The following JMY variants were observed in gnomAD, a reference collection of about 807,000 sequenced individuals.
JMY encodes the protein junction-mediating and -regulatory protein.
JMY carries 46 observed loss-of-function variants against 103.3 expected under a neutral mutation model. The ratio of observed to expected loss-of-function variants is 0.45; its 90% confidence interval spans 0.35 to 0.57. The LOEUF (loss-of-function observed/expected upper bound fraction) is 0.57. Ranked by LOEUF, JMY falls within the 20% of genes least tolerant of loss-of-function variation. The pLI is 0.00. For synonymous variants in JMY, 526 were observed against 489.3 expected, an observed-to-expected ratio of 1.07 and a Z score of -0.99; for missense variants, 1,238 against 1,255.2, an observed-to-expected ratio of 0.99 and a Z score of 0.21.
At chr5:79,262,906 CTTAA>C (rs755935044) in intron 1 of JMY, among the ~76,000 whole-genome samples, 3 of 152,274 alleles carry the variant, frequency 2.0e-5, no homozygotes, top group South Asian at 2.1e-4. Context: ...GGTATTGTGA[CTTAA>C]TTAATAATCA....
chr5:79,267,735 C>G (rs79032535), intron 1 of JMY, among the ~76,000 whole-genome samples: 1 of 152,128 alleles, frequency 6.6e-6, no homozygotes, highest in Non-Finnish European at 1.5e-5. Context: ...TTTTTCTTGC[C>G]GAACATTTCA....
At chr5:79,262,126 G>A (rs968682994) in intron 1 of JMY, among the ~76,000 whole-genome samples, 1 of 152,102 alleles carries the variant, frequency 6.6e-6, no homozygotes, top group African/African-American at 2.4e-5. Context: ...AACCCTTTGT[G>A]GTTGTATTCT....
chr5:79,239,830 A>G (rs1744678963), intron 1 of JMY, among the ~76,000 whole-genome samples: 1 of 151,476 alleles, frequency 6.6e-6, no homozygotes, highest in Non-Finnish European at 1.5e-5. Context: ...AAGAAAAGAA[A>G]AAGAAAAAGA....
rs1378117892 is a variant in JMY at position 79,250,459 on chromosome 5, CTTTG to C, written c.1032+12783_1032+12786del. ...CCATTTTTTTCTGTATTTACCTTTA[CTTTG>C]TTTGTAGGCGTCCCAGACAACCCTG... On this transcript the variant is annotated intron_variant, in intron 1 of 10. Coordinates refer to ENST00000396137, the MANE Select transcript of JMY (RefSeq NM_152405.5). Among the ~76,000 whole-genome samples the C allele has an allele frequency of 2.0e-4, 30 of 152,104 alleles. No individual in the cohort carries two copies. The East Asian group carries it at 3.3e-3, about 17-fold the overall frequency.
chr5:79,256,336 TCTC>T (rs915760121), intron 1 of JMY, among the ~76,000 whole-genome samples: 9 of 152,100 alleles, frequency 5.9e-5, no homozygotes, highest in South Asian at 4.2e-4. Flanking sequence ...GGCAGTAGCT[TCTC>T]CTATAGTCCA....
At chr5:79,284,747 C>G in intron 2 of JMY, 1 of 1,585,764 alleles carries the variant, frequency 6.3e-7, no homozygotes, top group Non-Finnish European at 8.6e-7. Context: ...CCATCAGATG[C>G]AATTTTGGTT....
At chr5:79,261,055 T>G (rs1745405784) in intron 1 of JMY, among the ~76,000 whole-genome samples, 1 of 152,158 alleles carries the variant, frequency 6.6e-6, no homozygotes, top group Non-Finnish European at 1.5e-5. Flanking sequence ...AAAATAAATC[T>G]AGGGACCCCA....
chr5:79,298,276 C>T (rs1023713465), intron 4 of JMY, among the ~76,000 whole-genome samples: 7 of 152,148 alleles, frequency 4.6e-5, no homozygotes, highest in South Asian at 2.1e-4. Flanking sequence ...TTTAACTTAA[C>T]GATTCCCCAC....
Position 79,237,542 on chromosome 5 carries a change from G to C in JMY, c.892G>C (p.Asp298His). ...CCAGGTCTACCTGGGCCACGGCCTG[G>C]ACACCTGCGGCTGGAAGATCCTCTC... Reference protein sequence around the residue: ...QLQVYLGHGLDTCGWKILSQV... With the variant: ...QLQVYLGHGLHTCGWKILSQV... The change falls in exon 1 of 11, where the codon GAC (aspartate) becomes CAC (histidine). Residue 298 changes from aspartate to histidine, a missense_variant. Coordinates refer to ENST00000396137, the MANE Select transcript of JMY (RefSeq NM_152405.5). 1 of 1,613,700 alleles carries C rather than the reference G, an allele frequency of 6.2e-7. No individual in the cohort carries two copies. The highest frequency in any genetic ancestry group is 8.5e-7 in the Non-Finnish European group (1 of 1,180,000).
chr5:79,286,236 CTTTGTA>C (rs1746263644), intron 2 of JMY, among the ~76,000 whole-genome samples: 1 of 152,126 alleles, frequency 6.6e-6, no homozygotes, highest in Admixed American at 6.6e-5. Flanking sequence ...TGTTTATGTT[CTTTGTA>C]TTTGTAGCTG....
At chr5:79,240,789 A>G (rs998332916) in intron 1 of JMY, among the ~76,000 whole-genome samples, 6 of 152,202 alleles carry the variant, frequency 3.9e-5, no homozygotes, top group Non-Finnish European at 8.8e-5. Context: ...GATGCTAGCC[A>G]TGTATTTGTC....
chr5:79,238,090 C>T (rs1228261645), intron 1 of JMY, among the ~76,000 whole-genome samples: 1 of 152,146 alleles, frequency 6.6e-6, no homozygotes, highest in Non-Finnish European at 1.5e-5. Context: ...AATAGTTTGT[C>T]TTACGGAGCA....
chr5:79,311,978 G>A (rs532621153), intron 7 of JMY, among the ~76,000 whole-genome samples: 8 of 152,090 alleles, frequency 5.3e-5, no homozygotes, highest in Admixed American at 2.0e-4. Flanking sequence ...CACCACGACC[G>A]GCTAATTTTT....
Position 79,314,770 on chromosome 5 carries a change from G to A in JMY, c.2578G>A (p.Ala860Thr). The change falls in exon 9 of 11, where the codon GCA becomes ACA. Residue 860 changes from alanine to threonine, a missense_variant. Transcript: ENST00000396137. Reference protein sequence around the residue: ...RIPKSASAPSAHLFDSSQLVS... With the variant: ...RIPKSASAPSTHLFDSSQLVS... Reference sequence around the variant, plus strand: ...CCCAAAGTCAGCCAGTGCCCCCTCAGCACACCTCTTTGACAGCAGCCAGCT... The same window carrying A: ...CCCAAAGTCAGCCAGTGCCCCCTCAACACACCTCTTTGACAGCAGCCAGCT... 1 of 1,613,382 alleles carries A rather than the reference G, an allele frequency of 6.2e-7. No individual in the cohort carries two copies.
intron 10 of JMY, among the ~76,000 whole-genome samples, chr5:79,318,753 TATATATATAGAGAGAGAG>T (rs1238514608): frequency 2.1e-5 from 1 of 48,370 alleles, no homozygotes; most frequent in Non-Finnish European, 3.9e-5. Context: ...TATATATATA[TATATATATAGAGAGAGAG>T]AGAGAGAGAG....
At position 79,279,988 on chromosome 5, in the gene JMY, C is replaced by T. The variant is rs113299995; in HGVS notation, c.1206+1905C>T. On this transcript the variant is annotated intron_variant, in intron 2 of 10. Coordinates refer to ENST00000396137, the MANE Select transcript of JMY (RefSeq NM_152405.5). ...CCCCACAAGTAGCTGGGACTATGGG[C>T]GCATGCCACCACGCCCAGCTGTTTT... Among the ~76,000 whole-genome samples the T allele has an allele frequency of 6.7e-3, 1,021 of 152,220 alleles. 11 individuals carry two copies. Among genetic ancestry groups the T allele is most frequent in the African/African-American group, 0.023 (970 of 41,552 alleles).
chr5:79,273,751 T>C (rs564351630), intron 1 of JMY, among the ~76,000 whole-genome samples: 6 of 152,326 alleles, frequency 3.9e-5, no homozygotes, highest in East Asian at 3.9e-4. Context: ...CTAAGCAATA[T>C]AGTGAGACCT....
chr5:79,273,611 T>C (rs1745847400), intron 1 of JMY, among the ~76,000 whole-genome samples: 1 of 152,184 alleles, frequency 6.6e-6, no homozygotes, highest in Admixed American at 6.6e-5. Context: ...CATTTTCTCT[T>C]CTCCTCTGGA....
Position 79,322,666 on chromosome 5 carries a change from T to C in JMY, c.*1064T>C, listed in dbSNP as rs191717213. 1 of 152,222 alleles carries C rather than the reference T, an allele frequency of 6.6e-6. No homozygotes were observed. The highest frequency in any genetic ancestry group is 1.5e-5 in the Non-Finnish European group (1 of 68,038). 9.4% of individuals were successfully genotyped at this position (152,222 alleles called of 1,614,324 possible). A position where few individuals can be genotyped will look rare whatever the true frequency, so the allele number is the denominator to read the frequency against. On this transcript the variant is annotated 3_prime_UTR_variant, in exon 11 of 11. Coordinates refer to ENST00000396137, the MANE Select transcript of JMY (RefSeq NM_152405.5). ...ATGCCTTTGTTATAGTCACTAAAAT[T>C]TTAAACTTATACACAGCTTTAGGTG...
Sources: gnomAD v4.1 joint callset for allele counts (sites outside exome capture counted in the v4.1 genomes callset) on GRCh38, gnomAD v4.1.1 for gene constraint, MANE v1.5 for transcripts, NCBI Gene and HGNC (gene_info 2026-07-23, HGNC 2026-07-21) for gene names.